Variants in MTA3 observed in about 807,000 individuals in gnomAD.
MTA3 encodes the protein metastasis-associated protein MTA3.
A neutral mutation model predicts 83.5 loss-of-function variants in MTA3; 34 were observed. The ratio of observed to expected loss-of-function variants is 0.41; its 90% CI spans 0.31 to 0.54. MTA3 has a LOEUF of 0.54. Among genes scored for constraint, MTA3 ranks in the 20% least tolerant of loss-of-function variants. The pLI, the probability that MTA3 is intolerant of heterozygous loss-of-function variation, is 0.33. For synonymous variants in MTA3, 303 were observed against 252.7 expected, an observed-to-expected ratio of 1.20 and a Z score of -1.89; for missense variants, 761 against 726.4, an observed-to-expected ratio of 1.05 and a Z score of -0.55.
chr2:42,538,679 G>A (rs1283140745), intron 2 of MTA3, among the ~76,000 whole-genome samples: 7 of 140,366 alleles, frequency 5.0e-5, no homozygotes, highest in Admixed American at 4.6e-4. Flanking sequence ...CTGCATTCCA[G>A]CCTGGGCGAC....
At chr2:42,719,180 T>A in intron 15 of MTA3, 106 bp downstream of exon 15, 2 of 778,916 alleles carry the variant, frequency 2.6e-6, no homozygotes, top group Non-Finnish European at 4.2e-6. Flanking sequence ...GCCCTTCAAA[T>A]AGCCGAAATT....
chr2:42,569,955 T>A (rs1298231343), intron 1 of MTA3: 1 of 134,706 alleles, frequency 7.4e-6, no homozygotes, highest in Non-Finnish European at 1.6e-5. Flanking sequence ...GCTCATCTGA[T>A]TTTTTTTTTT....
At chr2:42,679,376 A>G (rs993303281) in intron 8 of MTA3, among the ~76,000 whole-genome samples, 4 of 152,168 alleles carry the variant, frequency 2.6e-5, no homozygotes, top group Non-Finnish European at 4.4e-5. Flanking sequence ...ATAAGTTACA[A>G]TTGGGGTAAC....
intron 4 of MTA3, among the ~76,000 whole-genome samples, chr2:42,626,092 G>A (rs1207367211): frequency 6.7e-6 from 1 of 149,428 alleles, no homozygotes; most frequent in African/African-American, 2.5e-5. Context: ...ACAGGCGCCT[G>A]CCACCACTCT....
intron 8 of MTA3, among the ~76,000 whole-genome samples, chr2:42,661,966 G>C (rs144378089): frequency 4.6e-5 from 7 of 152,128 alleles, no homozygotes; most frequent in African/African-American, 1.7e-4. Flanking sequence ...TAACAGATCT[G>C]CTATGTATGT....
chr2:42,516,952 C>G (rs1466545283), intron 2 of MTA3, among the ~76,000 whole-genome samples: 1 of 152,046 alleles, frequency 6.6e-6, no homozygotes, highest in East Asian at 1.9e-4. Context: ...TAGCGAGACC[C>G]TGTCTCTATA....
chr2:42,502,775 C>A (rs1424631816), intron 2 of MTA3, among the ~76,000 whole-genome samples: 1 of 104,508 alleles, frequency 9.6e-6, no homozygotes, highest in South Asian at 3.2e-4. Flanking sequence ...CCAGCCTGGG[C>A]AACAAGAACA....
chr2:42,649,736 T>A (rs6544583), intron 6 of MTA3, among the ~76,000 whole-genome samples: 119,604 of 152,148 alleles, frequency 0.79, 47,978 homozygotes, highest in African/African-American at 0.95. Context: ...TGTTACAACT[T>A]TATGGGAAGC....
intron 4 of MTA3, among the ~76,000 whole-genome samples, chr2:42,626,109 A>G (rs1283801586): frequency 6.7e-6 from 1 of 149,964 alleles, no homozygotes; most frequent in Non-Finnish European, 1.5e-5. Context: ...CTCTCAGCTA[A>G]TTTTTTTGTA....
intron 9 of MTA3, among the ~76,000 whole-genome samples, chr2:42,686,977 A>AT (rs1692429913): frequency 1.3e-5 from 2 of 151,774 alleles, no homozygotes; most frequent in Non-Finnish European, 1.5e-5. Flanking sequence ...AAATACAAAA[A>AT]TTAGCTGGGC....
chr2:42,521,563 A>T (rs1245234985), intron 2 of MTA3, among the ~76,000 whole-genome samples: 1 of 152,182 alleles, frequency 6.6e-6, no homozygotes, highest in East Asian at 1.9e-4. Context: ...TTGTAGTACA[A>T]TGTTACACAT....
chr2:42,698,711 G>C (rs927982465), intron 11 of MTA3, among the ~76,000 whole-genome samples: 1 of 151,996 alleles, frequency 6.6e-6, no homozygotes, highest in Non-Finnish European at 1.5e-5. Flanking sequence ...CTGGAATTTT[G>C]ATATTTTGTA....
At chr2:42,726,205 T>C (rs1561505) in intron 16 of MTA3, among the ~76,000 whole-genome samples, 1 of 151,316 alleles carries the variant, frequency 6.6e-6, no homozygotes, top group Non-Finnish European at 1.5e-5. Context: ...CCAAACAGAG[T>C]GTTGATGGGC....
intron 2 of MTA3, among the ~76,000 whole-genome samples, chr2:42,573,711 A>G (rs1017774545): frequency 1.3e-5 from 2 of 151,826 alleles, no homozygotes; most frequent in Non-Finnish European, 2.9e-5. Flanking sequence ...GGGTTTCACC[A>G]TGTTGGCCAG....
chr2:42,705,361 A>G (rs1175917824), intron 12 of MTA3, among the ~76,000 whole-genome samples: 1 of 152,216 alleles, frequency 6.6e-6, no homozygotes, highest in Admixed American at 6.5e-5. Flanking sequence ...TATTCAAATG[A>G]AAATGAAAAG....
At chr2:42,522,569 G>A (rs1024600002) in intron 2 of MTA3, among the ~76,000 whole-genome samples, 14 of 152,064 alleles carry the variant, frequency 9.2e-5, no homozygotes, top group Non-Finnish European at 1.9e-4. Flanking sequence ...GCTAAAACGG[G>A]AGAATTGCTT....
chr2:42,615,645 C>T (rs1314084633), intron 4 of MTA3, among the ~76,000 whole-genome samples: 6 of 147,920 alleles, frequency 4.1e-5, no homozygotes, highest in African/African-American at 7.5e-5. Flanking sequence ...TGAGCCACTG[C>T]GCCTGGCCAA....
intron 2 of MTA3, among the ~76,000 whole-genome samples, chr2:42,543,451 C>G (rs1558425013): frequency 6.6e-6 from 1 of 151,798 alleles, no homozygotes; most frequent in Non-Finnish European, 1.5e-5. Flanking sequence ...GGTGGGTTTA[C>G]AGGCGTGAGC....
intron 16 of MTA3, among the ~76,000 whole-genome samples, chr2:42,731,193 A>T (rs1007595067): frequency 6.6e-6 from 1 of 151,904 alleles, no homozygotes; most frequent in Non-Finnish European, 1.5e-5. Context: ...CTTCATTTTG[A>T]TTCAACTTAT....
Sources: allele counts gnomAD v4.1 joint callset (sites outside exome capture counted in the v4.1 genomes callset), GRCh38; gene constraint gnomAD v4.1.1; transcripts MANE v1.5; gene names NCBI Gene and HGNC (gene_info 2026-07-23, HGNC 2026-07-21).